Variants in EPB41L3 observed in about 807,000 individuals in gnomAD.
EPB41L3 encodes band 4.1-like protein 3.
A neutral mutation model predicts 127.1 loss-of-function variants in EPB41L3; 57 were observed. The ratio of observed to expected loss-of-function variants is 0.45; its 90% CI spans 0.36 to 0.56. The LOEUF is 0.56. Among genes scored for constraint, EPB41L3 ranks in the 20% least tolerant of loss-of-function variants. The pLI, the probability that EPB41L3 is intolerant of heterozygous loss-of-function variation, is 0.00. For synonymous variants in EPB41L3, 572 were observed against 549.5 expected, an observed-to-expected ratio of 1.04 and a Z score of -0.57; for missense variants, 1,273 against 1,372.2, an observed-to-expected ratio of 0.93 and a Z score of 1.14.
At chr18:5,453,416 G>A (rs1369638542) in intron 3 of EPB41L3, among the ~76,000 whole-genome samples, 1 of 152,140 alleles carries the variant, frequency 6.6e-6, no homozygotes. Context: ...TGCATCAGAA[G>A]GTGTGTGCAT....
chr18:5,460,470 G>C (rs117008896), intron 3 of EPB41L3, among the ~76,000 whole-genome samples: 2 of 152,272 alleles, frequency 1.3e-5, no homozygotes, highest in East Asian at 3.9e-4. Context: ...TATACACATA[G>C]ATATGTATTT....
At chr18:5,497,852 T>C (rs768386540) in intron 1 of EPB41L3, among the ~76,000 whole-genome samples, 7 of 152,366 alleles carry the variant, frequency 4.6e-5, no homozygotes, top group East Asian at 1.9e-4. Context: ...AATGTGCTTC[T>C]AGACTTCATC....
chr18:5,449,694 C>A (rs1442370084), intron 3 of EPB41L3, among the ~76,000 whole-genome samples: 1 of 152,118 alleles, frequency 6.6e-6, no homozygotes, highest in Non-Finnish European at 1.5e-5. Context: ...TAAATGCATA[C>A]TGCTAGGTGA....
intron 1 of EPB41L3, among the ~76,000 whole-genome samples, chr18:5,527,894 C>G (rs938061647): frequency 1.3e-5 from 2 of 152,170 alleles, no homozygotes; most frequent in African/African-American, 4.8e-5. Context: ...AGAAACACAC[C>G]ATAGAATACT....
rs990413865 is a variant in EPB41L3, at chr18:5,393,139, G to T, written c.*346C>A. Reference sequence around the variant, plus strand: ...AATAATAATAAACTATGAAAGGCATGAATTGTTTATGTGTTACATGAGACC... The same window carrying T: ...AATAATAATAAACTATGAAAGGCATTAATTGTTTATGTGTTACATGAGACC... On this transcript the variant is annotated 3_prime_UTR_variant, in exon 23 of 23. Coordinates refer to ENST00000341928, the MANE Select transcript of EPB41L3 (RefSeq NM_012307.5). 4 of 257,784 alleles carry T rather than the reference G, an allele frequency of 1.6e-5. No individual in the cohort carries two copies. The highest frequency in any genetic ancestry group is 2.2e-5 in the African/African-American group (1 of 45,284). 16.0% of individuals were successfully genotyped at this position (257,784 alleles called of 1,614,324 possible).
At chr18:5,455,509 A>C (rs2082903112) in intron 3 of EPB41L3, among the ~76,000 whole-genome samples, 1 of 152,220 alleles carries the variant, frequency 6.6e-6, no homozygotes, top group Admixed American at 6.5e-5. Context: ...GTTCACATGC[A>C]GTAGAGTTGA....
intron 3 of EPB41L3, among the ~76,000 whole-genome samples, chr18:5,592,337 T>C (rs1568618123): frequency 6.6e-6 from 1 of 152,146 alleles, no homozygotes; most frequent in Non-Finnish European, 1.5e-5. Context: ...TGGCTAATTT[T>C]TGTACTTTTA....
intron 3 of EPB41L3, among the ~76,000 whole-genome samples, chr18:5,469,050 C>T (rs961292872): frequency 1.3e-5 from 2 of 152,238 alleles, no homozygotes; most frequent in Non-Finnish European, 2.9e-5. Flanking sequence ...TGTCCTGCTC[C>T]CCATCCAGTT....
At chr18:5,629,915 G>A (rs1000900363), upstream of EPB41L3, among the ~76,000 whole-genome samples, 1 of 152,198 alleles carries the variant, frequency 6.6e-6, no homozygotes, top group Non-Finnish European at 1.5e-5. Context: ...CGGCCGGCGC[G>A]GAGGGGTGGA....
At chr18:5,451,196 T>C (rs891516033) in intron 3 of EPB41L3, among the ~76,000 whole-genome samples, 2 of 152,206 alleles carry the variant, frequency 1.3e-5, no homozygotes, top group Non-Finnish European at 2.9e-5. Context: ...TAAATGCTTG[T>C]TTCTCTCCCT....
At chr18:5,518,005 A>T (rs2092819350) in intron 1 of EPB41L3, among the ~76,000 whole-genome samples, 1 of 152,216 alleles carries the variant, frequency 6.6e-6, no homozygotes, top group East Asian at 1.9e-4. Context: ...TGTCACCAGC[A>T]TCCCTTAGCT....
At chr18:5,452,703 C>T (rs1230072997) in intron 3 of EPB41L3, among the ~76,000 whole-genome samples, 2 of 151,696 alleles carry the variant, frequency 1.3e-5, no homozygotes, top group Middle Eastern at 3.4e-3. Context: ...ACTAAACTCT[C>T]GAAAGAAACG....
intron 3 of EPB41L3, among the ~76,000 whole-genome samples, chr18:5,604,698 C>A (rs2094630110): frequency 6.6e-6 from 1 of 152,142 alleles, no homozygotes; most frequent in African/African-American, 2.4e-5. Flanking sequence ...AAGTGATCTG[C>A]CCACCTTGGC....
At chr18:5,435,454 T>A (rs1357708846) in intron 6 of EPB41L3, among the ~76,000 whole-genome samples, 2 of 152,216 alleles carry the variant, frequency 1.3e-5, no homozygotes, top group African/African-American at 4.8e-5. Context: ...ATTTTTATTG[T>A]ACGTTTTCTA....
intron 3 of EPB41L3, among the ~76,000 whole-genome samples, chr18:5,477,433 G>A (rs887759126): frequency 6.6e-6 from 1 of 152,170 alleles, no homozygotes; most frequent in African/African-American, 2.4e-5. Context: ...ACAAGGGCAG[G>A]AGCTGGAGGC....
At position 5,543,832 on chromosome 18, in the gene EPB41L3, C is replaced by G; in HGVS notation, c.-12+81G>C. On this transcript the variant is annotated intron_variant, in intron 1 of 22. Transcript: ENST00000341928. The surrounding 1 kb of genome is among the most constrained non-coding windows in gnomAD (Gnocchi z 5.2). ...GCCCCACTGTCCCGCGCGCCTCGCC[C>G]CAGGCCTCGGGCTCTTCCTCCGCAC... 1.0e-6 allele frequency: 1 copy of G among 972,212 alleles called. No homozygotes were observed. The allele number at this position is 972,212 out of a possible 1,614,324, so 60.2% of individuals were successfully genotyped here.
At chr18:5,502,217 T>C (rs1265326550) in intron 1 of EPB41L3, among the ~76,000 whole-genome samples, 2 of 152,164 alleles carry the variant, frequency 1.3e-5, no homozygotes, top group Non-Finnish European at 2.9e-5. Flanking sequence ...TTTGTCTCCA[T>C]TGGGCAACAA....
At chr18:5,630,656 G>A (rs762538949), upstream of EPB41L3, 12 of 366,334 alleles carry the variant, frequency 3.3e-5, no homozygotes, top group Admixed American at 1.7e-4. Context: ...CGCGCTTCGG[G>A]CGCCTGTGAC....
At chr18:5,398,436 C>T (rs1283873515) in intron 16 of EPB41L3, 2 of 435,448 alleles carry the variant, frequency 4.6e-6, no homozygotes, top group East Asian at 6.8e-5. Context: ...ATCTTGGGAA[C>T]AGGGAGCTGG....
Sources: allele counts gnomAD v4.1 joint callset (sites outside exome capture counted in the v4.1 genomes callset), GRCh38; gene constraint gnomAD v4.1.1; non-coding constraint Gnocchi (gnomAD v3.1); transcripts MANE v1.5; gene names NCBI Gene and HGNC (gene_info 2026-07-23, HGNC 2026-07-21).